GMDS: variants seen among roughly 807,000 people sequenced by gnomAD.
GMDS encodes the protein GDP-mannose 4,6-dehydratase, also known as GDP-mannose 4,6 dehydratase.
In GMDS, 20 loss-of-function variants were observed where a neutral mutation model predicts 49.9. The observed-to-expected ratio is 0.40, with a 90% CI of 0.28 to 0.58. The LOEUF (loss-of-function observed/expected upper bound fraction) is 0.58. GMDS is among the 20% of genes least tolerant of loss of function. The probability of loss-of-function intolerance (pLI) is 0.42; values close to 1 mark genes in which losing one functional copy is unlikely to be tolerated. For missense variants in GMDS, 362 were observed against 481.4 expected (o/e 0.75, Z 2.32); for synonymous variants, 177 against 178.6 (o/e 0.99, Z 0.07).
intron 1 of GMDS, among the ~76,000 whole-genome samples, chr6:2,218,085 G>C (rs1426000840): frequency 6.6e-6 from 1 of 152,072 alleles, no homozygotes. Context: ...GCCCCAAAAC[G>C]CCTTCCAAAC....
At chr6:2,140,076 C>G (rs1247913474) in intron 1 of GMDS, among the ~76,000 whole-genome samples, 1 of 152,148 alleles carries the variant, frequency 6.6e-6, no homozygotes. Flanking sequence ...ACAGCCACAT[C>G]CTCACCACTG....
intron 7 of GMDS, among the ~76,000 whole-genome samples, chr6:1,868,424 A>C (rs1581276164): frequency 6.6e-6 from 1 of 152,330 alleles, no homozygotes; most frequent in East Asian, 1.9e-4. Context: ...GGATGAACCA[A>C]GGAGGACCGC....
At chr6:1,966,130 T>A (rs1315053218) in intron 4 of GMDS, among the ~76,000 whole-genome samples, 1 of 152,166 alleles carries the variant, frequency 6.6e-6, no homozygotes, top group South Asian at 2.1e-4. Context: ...TCTGGACCTT[T>A]ACAGAAGAAG....
chr6:2,058,486 C>A (rs1251240339), intron 4 of GMDS, among the ~76,000 whole-genome samples: 2 of 152,110 alleles, frequency 1.3e-5, no homozygotes, highest in Admixed American at 1.3e-4. Context: ...AAACACCAAA[C>A]CCCCAAAACA....
chr6:1,853,512 C>T (rs1423813129), intron 7 of GMDS, among the ~76,000 whole-genome samples: 5 of 116,752 alleles, frequency 4.3e-5, no homozygotes, highest in Non-Finnish European at 6.9e-5. Context: ...AGCGAGACTC[C>T]GTCTCAAAAA....
At chr6:2,050,292 T>C (rs1770302577) in intron 4 of GMDS, among the ~76,000 whole-genome samples, 1 of 152,180 alleles carries the variant, frequency 6.6e-6, no homozygotes, top group East Asian at 1.9e-4. Context: ...ATAGCATAAA[T>C]TCCTGGACAC....
intron 8 of GMDS, among the ~76,000 whole-genome samples, chr6:1,731,441 C>T (rs541981908): frequency 1.3e-5 from 2 of 152,162 alleles, no homozygotes; most frequent in African/African-American, 4.8e-5. Flanking sequence ...ACCACTGGGA[C>T]CAAGAGAAGG....
In GMDS at chr6:2,102,064, T is replaced by C. The variant is rs528279270; in HGVS notation, c.345+13707A>G. ...GCAAGTATTACTTAAGCTATTATTATACTACACTGGAAATTTTTCAAATAT... is the reference window on the plus strand; with the variant it reads ...GCAAGTATTACTTAAGCTATTATTACACTACACTGGAAATTTTTCAAATAT... On this transcript the variant is annotated intron_variant, in intron 4 of 10. Coordinates refer to ENST00000380815, the MANE Select transcript of GMDS (RefSeq NM_001500.4). Among the ~76,000 whole-genome samples, 18 of 152,234 alleles carry C rather than the reference T, an allele frequency of 1.2e-4. No homozygotes were observed. The South Asian group carries it at 3.7e-3, about 32-fold the overall frequency.
intron 4 of GMDS, among the ~76,000 whole-genome samples, chr6:2,068,863 T>G (rs1198493318): frequency 6.6e-6 from 1 of 152,142 alleles, no homozygotes; most frequent in Non-Finnish European, 1.5e-5. Flanking sequence ...ACAGATTCAA[T>G]GCCATCCCCA....
intron 4 of GMDS, among the ~76,000 whole-genome samples, chr6:2,053,069 T>C (rs1398754012): frequency 1.3e-5 from 2 of 152,164 alleles, no homozygotes; most frequent in Non-Finnish European, 2.9e-5. Flanking sequence ...TAATAAGAGA[T>C]TGCTGAAGAA....
intron 2 of GMDS, among the ~76,000 whole-genome samples, chr6:2,119,257 A>C (rs1244309827): frequency 2.6e-5 from 4 of 152,182 alleles, no homozygotes; most frequent in Non-Finnish European, 4.4e-5. Context: ...TAAACATAAA[A>C]AGCTTTGACA....
At chr6:2,200,110 T>C (rs1310247924) in intron 1 of GMDS, among the ~76,000 whole-genome samples, 1 of 152,234 alleles carries the variant, frequency 6.6e-6, no homozygotes, top group Non-Finnish European at 1.5e-5. Context: ...CTGTGTCAGA[T>C]ATTATTCTAG....
chr6:1,737,218 A>G (rs1269576233), intron 8 of GMDS, among the ~76,000 whole-genome samples: 1 of 152,196 alleles, frequency 6.6e-6, no homozygotes, highest in Admixed American at 6.5e-5. Context: ...CATGTCTGAA[A>G]CATTACCCAC....
At chr6:1,743,412 G>A (rs1199069922) in intron 7 of GMDS, among the ~76,000 whole-genome samples, 1 of 150,448 alleles carries the variant, frequency 6.6e-6, no homozygotes, top group Non-Finnish European at 1.5e-5. Flanking sequence ...GCGTGGTGGG[G>A]GGCGCCTGTA....
chr6:1,877,231 G>C (rs552745840), intron 7 of GMDS, among the ~76,000 whole-genome samples: 2 of 151,936 alleles, frequency 1.3e-5, no homozygotes, highest in African/African-American at 4.8e-5. Flanking sequence ...AAATATAAAA[G>C]AGGCCAAAAA....
intron 1 of GMDS, among the ~76,000 whole-genome samples, chr6:2,221,083 C>T (rs1399784285): frequency 2.6e-5 from 4 of 152,130 alleles, no homozygotes; most frequent in Non-Finnish European, 5.9e-5. Flanking sequence ...ATGTACTCCT[C>T]AGGAGACTGA....
chr6:1,847,203 A>C (rs1561842851), intron 7 of GMDS, among the ~76,000 whole-genome samples: 1 of 151,894 alleles, frequency 6.6e-6, no homozygotes, highest in African/African-American at 2.4e-5. Context: ...CTACAGGTAC[A>C]AGCCACCACG....
At chr6:1,828,536 A>T (rs1010984578) in intron 7 of GMDS, among the ~76,000 whole-genome samples, 1 of 152,234 alleles carries the variant, frequency 6.6e-6, no homozygotes, top group South Asian at 2.1e-4. Context: ...TCTTAAAAGC[A>T]GCAAAACAGT....
intron 9 of GMDS, among the ~76,000 whole-genome samples, chr6:1,663,745 G>A (rs980167315): frequency 1.3e-5 from 2 of 152,032 alleles, no homozygotes; most frequent in South Asian, 2.1e-4. Flanking sequence ...GTGAAGATCC[G>A]TGTGCCCTGC....
Sources: allele counts gnomAD v4.1 joint callset (sites outside exome capture counted in the v4.1 genomes callset), GRCh38; gene constraint gnomAD v4.1.1; transcripts MANE v1.5; gene names NCBI Gene and HGNC (gene_info 2026-07-23, HGNC 2026-07-21).